POMK: variants seen among roughly 807,000 people sequenced by gnomAD.
POMK encodes protein O-mannose kinase.
Under a neutral mutation model 23.0 loss-of-function variants are expected in POMK, and 19 were observed. That is an observed-to-expected ratio of 0.83 (90% confidence interval 0.58 to 1.21). POMK has a LOEUF of 1.21. Among genes scored for constraint, POMK ranks in the 50% most tolerant of loss-of-function variants. The probability of loss-of-function intolerance (pLI) is 0.00; values close to 1 mark genes in which losing one functional copy is unlikely to be tolerated. For synonymous variants in POMK, 173 were observed against 171.6 expected (o/e 1.01, Z -0.06); for missense variants, 410 against 431.3 (o/e 0.95, Z 0.44).
At chr8:43,107,696 G>C (rs1396170674) in intron 4 of POMK, among the ~76,000 whole-genome samples, 2 of 140,308 alleles carry the variant, frequency 1.4e-5, no homozygotes, top group Non-Finnish European at 3.1e-5. Context: ...TTTTTTTTTG[G>C]TAGAGATGGA....
chr8:43,099,781 A>G lies in POMK; in HGVS notation c.-118+2166A>G, dbSNP rs1187078216. Among the ~76,000 whole-genome samples the G allele has an allele frequency of 2.0e-5, 3 of 151,930 alleles. No individual in the cohort carries two copies. The East Asian group carries it at 5.8e-4, about 29-fold the overall frequency. The stretch of plus-strand genomic sequence containing the variant: ...AACACACTGTTTGTAGTAATAGGAG[A>G]GTGCAGGAACCTGGGGTGGGGCTTG... On this transcript the variant is annotated intron_variant, in intron 2 of 4. Transcript: ENST00000331373.
chr8:43,099,314 A>G (rs761756427), intron 2 of POMK, among the ~76,000 whole-genome samples: 1 of 152,186 alleles, frequency 6.6e-6, no homozygotes, highest in Non-Finnish European at 1.5e-5. Flanking sequence ...CCAGACATCC[A>G]CATGGAGATG....
chr8:43,115,836 C>T (rs932017386), intron 4 of POMK, among the ~76,000 whole-genome samples: 2 of 152,232 alleles, frequency 1.3e-5, no homozygotes, highest in Non-Finnish European at 2.9e-5. Flanking sequence ...ACTTAACAGC[C>T]TCCCTCCAGC....
intron 2 of POMK, among the ~76,000 whole-genome samples, chr8:43,100,756 G>T (rs752506206): frequency 6.6e-6 from 1 of 152,176 alleles, no homozygotes; most frequent in Middle Eastern, 3.4e-3. Context: ...TGCTAGCGGG[G>T]ATGAGGATTG....
At chr8:43,115,810 G>A (rs530814717) in intron 4 of POMK, among the ~76,000 whole-genome samples, 182 of 152,264 alleles carry the variant, frequency 1.2e-3, no homozygotes, top group African/African-American at 4.1e-3. Flanking sequence ...CCCTTGCAAC[G>A]ACAAGGCCCT....
intron 4 of POMK, among the ~76,000 whole-genome samples, chr8:43,120,494 T>C (rs1414837533): frequency 6.6e-6 from 1 of 151,966 alleles, no homozygotes; most frequent in Non-Finnish European, 1.5e-5. Context: ...GTGCTGGGAT[T>C]ATAGGTATGA....
chr8:43,121,413 T>G (rs1563342890), intron 4 of POMK, among the ~76,000 whole-genome samples: 1 of 152,258 alleles, frequency 6.6e-6, no homozygotes, highest in African/African-American at 2.4e-5. Context: ...AGCTGTGGAC[T>G]CTATGAGAAG....
In POMK at chr8:43,111,337, C is replaced by T. The variant is rs551219467; in HGVS notation, c.282+7507C>T. ...CCTCACTCATTGCTAGCACAGCAGT[C>T]TGAGATCAAACTGCAAGGCCGCAGC... On this transcript the variant is annotated intron_variant, in intron 4 of 4. Coordinates refer to ENST00000331373, the MANE Select transcript of POMK (RefSeq NM_032237.5). Among the ~76,000 whole-genome samples the T allele has an allele frequency of 4.2e-3, 635 of 152,316 alleles. 4 individuals are homozygous for T. The highest frequency in any genetic ancestry group is 6.7e-3 in the Non-Finnish European group (453 of 68,016).
intron 4 of POMK, among the ~76,000 whole-genome samples, chr8:43,112,315 C>T (rs2130612987): frequency 6.6e-6 from 1 of 152,250 alleles, no homozygotes; most frequent in South Asian, 2.1e-4. Context: ...GATAGGGTAT[C>T]AGTGATGGAA....
intron 4 of POMK, among the ~76,000 whole-genome samples, chr8:43,118,321 A>G (rs1394957331): frequency 6.6e-6 from 1 of 152,178 alleles, no homozygotes; most frequent in Non-Finnish European, 1.5e-5. Context: ...GTATGTTATA[A>G]CGCCATTAGT....
chr8:43,104,159 G>T (rs1463782689), intron 4 of POMK, among the ~76,000 whole-genome samples: 2 of 151,652 alleles, frequency 1.3e-5, no homozygotes, highest in African/African-American at 4.9e-5. Context: ...GTCTCGCTCT[G>T]TCACCCAGGC....
Position 43,120,699 on chromosome 8 carries a change from C to G in POMK, c.283-1408C>G, listed in dbSNP as rs1461760839. On this transcript the variant is annotated intron_variant, in intron 4 of 4. Coordinates refer to ENST00000331373, the MANE Select transcript of POMK (RefSeq NM_032237.5). ...TCTTTCTTTTTTTTTTTTTTTGAGACAGAGTTTCACTCTTGTTGCCCAGGC... is the reference window on the plus strand; with the variant it reads ...TCTTTCTTTTTTTTTTTTTTTGAGAGAGAGTTTCACTCTTGTTGCCCAGGC... Among the ~76,000 whole-genome samples, 3 of 145,558 alleles carry G rather than the reference C, an allele frequency of 2.1e-5. No individual in the cohort carries two copies. In the East Asian group the frequency reaches 6.1e-4, roughly 30 times the overall value.
At chr8:43,111,110 G>A (rs527923482) in intron 4 of POMK, among the ~76,000 whole-genome samples, 12 of 152,274 alleles carry the variant, frequency 7.9e-5, no homozygotes, top group East Asian at 7.7e-4. Flanking sequence ...TGCGTGAGCC[G>A]AAGCAGGGCG....
At chr8:43,107,278 T>C (rs993574132) in intron 4 of POMK, among the ~76,000 whole-genome samples, 10 of 152,230 alleles carry the variant, frequency 6.6e-5, no homozygotes, top group African/African-American at 2.4e-4. Context: ...CTTTAGTCCT[T>C]ATTTTTATTA....
chr8:43,103,451 G>A, intron 3 of POMK, 77 bp from the exon 4 acceptor site: 5 of 1,364,312 alleles, frequency 3.7e-6, no homozygotes, highest in Non-Finnish European at 4.1e-6. Flanking sequence ...AGTAGAAGAG[G>A]CATCAGAACA....
chr8:43,109,269 T>C (rs1811601891), intron 4 of POMK, among the ~76,000 whole-genome samples: 2 of 152,210 alleles, frequency 1.3e-5, no homozygotes, highest in African/African-American at 4.8e-5. Context: ...ATTATTCTGG[T>C]AGGAGACTCA....
chr8:43,114,444 G>A (rs1000147708), intron 4 of POMK, among the ~76,000 whole-genome samples: 11 of 152,096 alleles, frequency 7.2e-5, no homozygotes, highest in Non-Finnish European at 1.6e-4. Context: ...CTGGTGTGCC[G>A]TTTTTTAAGC....
Position 43,122,815 on chromosome 8 carries a change from T to C in POMK, c.991T>C (p.Tyr331His). ...CACTGCCCAGGACGTTCTGGAGACC[T>C]ACCAGAAGGTCTTGGATACACTTAG... ...RPTAQDVLET[Y>H]QKVLDTLRDA... Residue 331 changes from tyrosine to histidine, a missense_variant, in exon 5 of 5, where the codon TAC becomes CAC. Transcript: ENST00000331373. 6.2e-7 allele frequency: 1 copy of C among 1,614,008 alleles called. No homozygotes were observed. Among genetic ancestry groups the C allele is most frequent in the Non-Finnish European group, 8.5e-7 (1 of 1,179,924 alleles).
At chr8:43,094,842 C>T (rs544852864) in intron 1 of POMK, among the ~76,000 whole-genome samples, 2 of 152,332 alleles carry the variant, frequency 1.3e-5, no homozygotes, top group South Asian at 4.1e-4. Flanking sequence ...AAATGCTTTG[C>T]ATTTCAGTCG....
Sources: allele counts gnomAD v4.1 joint callset (sites outside exome capture counted in the v4.1 genomes callset), GRCh38; gene constraint gnomAD v4.1.1; transcripts MANE v1.5; gene names NCBI Gene and HGNC (gene_info 2026-07-23, HGNC 2026-07-21).